Variants in IQSEC1 observed in about 807,000 individuals in gnomAD.
The protein encoded by IQSEC1 is IQ motif and SEC7 domain-containing protein 1.
In IQSEC1, 31 loss-of-function variants were observed where a neutral mutation model predicts 91.0. The ratio of observed to expected loss-of-function variants is 0.34; its 90% CI spans 0.26 to 0.46. The LOEUF is 0.46. Among genes scored for constraint, IQSEC1 ranks in the 20% least tolerant of loss-of-function variants. IQSEC1 has a pLI of 1.00. For missense variants in IQSEC1, 1,388 were observed against 1,575.6 expected (o/e 0.88, Z 2.02); for synonymous variants, 699 against 662.6 (o/e 1.05, Z -0.84).
intron 10 of IQSEC1, among the ~76,000 whole-genome samples, chr3:12,911,393 C>G (rs1002696029): frequency 6.6e-6 from 1 of 152,208 alleles, no homozygotes; most frequent in Non-Finnish European, 1.5e-5. Flanking sequence ...AACGAAGTAC[C>G]AGTAAAAGCA....
At chr3:13,176,478 A>G (rs1693731995) in intron 1 of IQSEC1, among the ~76,000 whole-genome samples, 1 of 152,136 alleles carries the variant, frequency 6.6e-6, no homozygotes, top group African/African-American at 2.4e-5. Context: ...TTGTGACAGC[A>G]CAGAAAACCA....
intron 1 of IQSEC1, among the ~76,000 whole-genome samples, chr3:13,218,592 T>C (rs1694594071): frequency 6.6e-6 from 1 of 152,226 alleles, no homozygotes; most frequent in Non-Finnish European, 1.5e-5. Flanking sequence ...GAAAAGGTTT[T>C]TAAAATTTTT....
At chr3:13,173,695 G>C (rs776719944) in intron 1 of IQSEC1, among the ~76,000 whole-genome samples, 4 of 152,246 alleles carry the variant, frequency 2.6e-5, no homozygotes, top group Admixed American at 1.3e-4. Context: ...AACAAAAGTA[G>C]GTAGGTCTGG....
At chr3:13,195,335 C>G (rs1197291246) in intron 1 of IQSEC1, among the ~76,000 whole-genome samples, 1 of 152,140 alleles carries the variant, frequency 6.6e-6, no homozygotes, top group Non-Finnish European at 1.5e-5. Flanking sequence ...AGTGGTGACA[C>G]CAGAGGCCGG....
Position 13,072,379 on chromosome 3 carries a change from T to A in IQSEC1, c.23+613A>T, listed in dbSNP as rs1705463475. The stretch of plus-strand genomic sequence containing the variant: ...ACCGAAGCGCAGGCTTTGGTTTCCA[T>A]AAATACCCGGGCCCGTGATGTCACC... On this transcript the variant is annotated intron_variant, in intron 1 of 13. Transcript: ENST00000613206. 1.3e-5 allele frequency among the ~76,000 whole-genome samples: 2 copies of A among 152,170 alleles called. 1 individual carries two copies. Among genetic ancestry groups the A allele is most frequent in the Admixed American group, 1.3e-4 (2 of 15,270 alleles).
chr3:13,178,812 A>G (rs972598475), intron 1 of IQSEC1, among the ~76,000 whole-genome samples: 6 of 152,362 alleles, frequency 3.9e-5, no homozygotes, highest in African/African-American at 1.4e-4. Flanking sequence ...TATGAAACCA[A>G]TCCAACAGTC....
chr3:13,255,643 G>T (rs922415092), intron 1 of IQSEC1, among the ~76,000 whole-genome samples: 1 of 151,988 alleles, frequency 6.6e-6, no homozygotes, highest in Non-Finnish European at 1.5e-5. Context: ...TAGAGACAGG[G>T]TCTTGCTCTG....
intron 6 of IQSEC1, among the ~76,000 whole-genome samples, chr3:12,916,546 G>C (rs547688152): frequency 1.3e-4 from 20 of 152,340 alleles, no homozygotes; most frequent in African/African-American, 3.6e-4. Flanking sequence ...CAGTGCTTGG[G>C]GAACATGGAC....
chr3:13,224,883 C>A (rs940332735), intron 1 of IQSEC1, among the ~76,000 whole-genome samples: 1 of 152,254 alleles, frequency 6.6e-6, no homozygotes, highest in African/African-American at 2.4e-5. Flanking sequence ...CTAACAATTC[C>A]ATCAGCAAAG....
At chr3:12,907,941 A>G (rs1695156018) in intron 12 of IQSEC1, among the ~76,000 whole-genome samples, 1 of 152,156 alleles carries the variant, frequency 6.6e-6, no homozygotes, top group Non-Finnish European at 1.5e-5. Flanking sequence ...GGCGCCAGAC[A>G]GATTAGAGGG....
intron 2 of IQSEC1, among the ~76,000 whole-genome samples, chr3:12,939,124 G>A (rs77186251): frequency 7.4e-4 from 112 of 152,332 alleles, no homozygotes; most frequent in Admixed American, 5.9e-3. Flanking sequence ...CTCCCGAGGG[G>A]TTTCACTACC....
At chr3:13,056,622 C>G (rs1261319011) in intron 1 of IQSEC1, among the ~76,000 whole-genome samples, 1 of 151,910 alleles carries the variant, frequency 6.6e-6, no homozygotes, top group Non-Finnish European at 1.5e-5. Context: ...GGGCTCTGTC[C>G]CCTGCTCCCT....
At position 13,259,559 on chromosome 3, in the gene IQSEC1, G is replaced by A. The variant is rs951853281; in HGVS notation, c.272+23152C>T. ...CCAAGGCCTTCGAGGCGGGCTGATGGATGCAGTGTTTAAGCCATAACTGTT... is the reference window on the plus strand; with the variant it reads ...CCAAGGCCTTCGAGGCGGGCTGATGAATGCAGTGTTTAAGCCATAACTGTT... On this transcript the variant is annotated intron_variant, in intron 1 of 15. Coordinates refer to the IQSEC1 transcript ENST00000648114. This position sits in a 1 kb window ranked among gnomAD's most constrained non-coding sequence, Gnocchi z 4.6. Among the ~76,000 whole-genome samples, 1 of 152,238 alleles carries A rather than the reference G, an allele frequency of 6.6e-6. No homozygotes were observed. The highest frequency in any genetic ancestry group is 2.4e-5 in the African/African-American group (1 of 41,466).
intron 1 of IQSEC1, among the ~76,000 whole-genome samples, chr3:13,224,546 T>C (rs556984149): frequency 1.3e-5 from 2 of 152,128 alleles, no homozygotes; most frequent in Non-Finnish European, 2.9e-5. Context: ...TTCTGAGTGC[T>C]GAAGCAGCCC....
chr3:13,107,475 T>A (rs951670287), intron 2 of IQSEC1, among the ~76,000 whole-genome samples: 1 of 152,168 alleles, frequency 6.6e-6, no homozygotes, highest in Non-Finnish European at 1.5e-5. Flanking sequence ...CATCTCCATA[T>A]TACACATGGA....
chr3:13,232,395 C>A (rs1335531688), intron 1 of IQSEC1, among the ~76,000 whole-genome samples: 1 of 152,240 alleles, frequency 6.6e-6, no homozygotes, highest in African/African-American at 2.4e-5. Flanking sequence ...TGTCCACCTC[C>A]CTGATGACCT....
At chr3:13,205,022 T>C (rs1263253860) in intron 1 of IQSEC1, among the ~76,000 whole-genome samples, 2 of 151,826 alleles carry the variant, frequency 1.3e-5, no homozygotes, top group African/African-American at 4.8e-5. Context: ...GGTCTCGAAC[T>C]CCCGACCTCA....
chr3:12,979,833 C>T lies in IQSEC1; in HGVS notation c.24-37968G>A, dbSNP rs564847044. Among the ~76,000 whole-genome samples, 2 of 152,294 alleles carry T rather than the reference C, an allele frequency of 1.3e-5. No individual in the cohort carries two copies. Among genetic ancestry groups the T allele is most frequent in the African/African-American group, 4.8e-5 (2 of 41,560 alleles). On this transcript the variant is annotated intron_variant, in intron 1 of 13. Transcript: ENST00000613206. This position sits in a 1 kb window ranked among gnomAD's most constrained non-coding sequence, Gnocchi z 4.3. ...GCCTGTGCCTCACCCGGAATCGTTT[C>T]GCGGCCTGGATCTCATACTTCCTGA...
At chr3:13,113,819 A>G (rs1481074973) in intron 2 of IQSEC1, among the ~76,000 whole-genome samples, 1 of 152,200 alleles carries the variant, frequency 6.6e-6, no homozygotes, top group Non-Finnish European at 1.5e-5. Context: ...AACTGTTCAC[A>G]CGTGTGCCTA....
Sources: gnomAD v4.1 joint callset for allele counts (sites outside exome capture counted in the v4.1 genomes callset) on GRCh38, gnomAD v4.1.1 for gene constraint, Gnocchi (gnomAD v3.1) non-coding constraint, MANE v1.5 for transcripts, NCBI Gene and HGNC (gene_info 2026-07-23, HGNC 2026-07-21) for gene names.